The following SLITRK5 variants were observed in gnomAD, a reference collection of about 807,000 sequenced individuals.
SLITRK5 encodes SLIT and NTRK like family member 5, also known as SLIT and NTRK-like protein 5.
Under a neutral mutation model 56.2 loss-of-function variants are expected in SLITRK5, and 23 were observed. That is an observed-to-expected ratio of 0.41 (90% CI 0.29 to 0.58). The LOEUF is 0.58. Ranked by LOEUF, SLITRK5 falls within the 20% of genes least tolerant of loss-of-function variation. SLITRK5 has a pLI of 0.30. For missense variants in SLITRK5, 1,289 were observed against 1,226.6 expected (o/e 1.05, Z -0.76); for synonymous variants, 637 against 531.8 (o/e 1.20, Z -2.72).
Position 87,676,281 on chromosome 13 carries a change from C to G in SLITRK5, c.893C>G (p.Thr298Arg). The change falls in exon 2 of 2, where the codon ACG becomes AGG. Residue 298 changes from threonine to arginine, a missense_variant. This residue lies in a region of SLITRK5 where 985 missense variants were observed against 906.0 expected (regional missense o/e 1.09). Coordinates refer to ENST00000683689, the MANE Select transcript of SLITRK5 (RefSeq NM_001384609.1). ...LISDYEMRPQ[T>R]PLSTTGYLHT... ...TCTGACTACGAGATGAGGCCGCAGACGCCTTTGAGCACCACGGGGTATTTA... is the reference window on the plus strand; with the variant it reads ...TCTGACTACGAGATGAGGCCGCAGAGGCCTTTGAGCACCACGGGGTATTTA... 6.2e-7 allele frequency: 1 copy of G among 1,614,130 alleles called. No individual in the cohort carries two copies. Among genetic ancestry groups the G allele is most frequent in the East Asian group, 2.2e-5 (1 of 44,838 alleles).
At chr13:87,674,091 G>A (rs1199233877) in intron 1 of SLITRK5, among the ~76,000 whole-genome samples, 2 of 151,580 alleles carry the variant, frequency 1.3e-5, no homozygotes, top group African/African-American at 4.9e-5. Context: ...TTGATCAGAA[G>A]TAGGAAGTGG....
chr13:87,677,907 C>T lies in SLITRK5; in HGVS notation c.2519C>T (p.Pro840Leu), dbSNP rs1055162819. The change falls in exon 2 of 2, where the codon CCC becomes CTC. Residue 840 changes from proline to leucine, a missense_variant. Around this residue, in one of 3 missense-constraint regions of SLITRK5, gnomAD observed 985 missense variants for 906.0 expected, o/e 1.09. Coordinates refer to ENST00000683689, the MANE Select transcript of SLITRK5 (RefSeq NM_001384609.1). This position sits in a 1 kb window ranked among gnomAD's most constrained non-coding sequence, Gnocchi z 4.7. ...SPAYSVSTIE[P>L]REDLLSPVQD... ...GCCTACAGCGTCAGCACCATCGAGC[C>T]CCGGGAGGACCTGCTGTCGCCGGTG... 7 of 1,613,480 alleles carry T rather than the reference C, an allele frequency of 4.3e-6. No individual in the cohort carries two copies. The highest frequency in any genetic ancestry group is 5.1e-6 in the Non-Finnish European group (6 of 1,179,798).
rs1566320667 is a variant in SLITRK5 at position 87,676,820 on chromosome 13, T to C, written c.1432T>C (p.Tyr478His). The C allele has an allele frequency of 1.2e-6, 2 of 1,614,120 alleles. No individual in the cohort carries two copies. Among genetic ancestry groups the C allele is most frequent in the African/African-American group, 1.3e-5 (1 of 75,034 alleles). Residue 478 changes from tyrosine (Y) to histidine (H), a missense_variant, in exon 2 of 2, where the codon TAT (tyrosine) becomes CAT (histidine). Physicochemically the swap from Tyr to His is moderately conservative, Grantham distance 83 (BLOSUM62 2). Transcript: ENST00000683689. The part of the protein sequence containing the change: ...RIERLSPELF[Y>H]GLQSLQYLFL... The stretch of plus-strand genomic sequence containing the variant: ...CGAGAGGCTGAGCCCGGAGTTATTC[T>C]ATGGCCTGCAGAGCCTGCAGTATCT...
Position 87,677,455 on chromosome 13 carries a change from G to A in SLITRK5, c.2067G>A (p.Met689Ile), listed in dbSNP as rs1877331111. The change falls in exon 2 of 2, where the codon ATG (methionine) becomes ATA (isoleucine). Residue 689 changes from methionine to isoleucine, a missense_variant. Met to Ile is a conservative substitution (Grantham distance 10, BLOSUM62 1). Transcript: ENST00000683689. The surrounding 1 kb of genome is among the most constrained non-coding windows in gnomAD (Gnocchi z 4.7). Reference sequence around the variant, plus strand: ...CCGCCGGGCTCTTCGTGCTGGTCATGAAGCGCAGGAAGAAGAACCAGAGCG... The same window carrying A: ...CCGCCGGGCTCTTCGTGCTGGTCATAAAGCGCAGGAAGAAGAACCAGAGCG... ...FVAAGLFVLV[M>I]KRRKKNQSDH... is the part of the protein sequence containing the mutation. The A allele has an allele frequency of 3.7e-6, 6 of 1,612,638 alleles. No homozygotes were observed. The Admixed American group carries it at 1.0e-4, about 27-fold the overall frequency.
rs774202853 is a variant in SLITRK5 at position 87,677,327 on chromosome 13, G to A, written c.1939G>A (p.Gly647Arg). Reference protein sequence around the residue: ...VTPAVRLNSTGAPASLGAGGG... With the variant: ...VTPAVRLNSTRAPASLGAGGG... ...TCCTGCGGTCCGGTTGAATAGCACC[G>A]GGGCCCCCGCGAGCTTGGGCGCAGG... is the stretch of plus-strand genomic sequence containing the variant. The change falls in exon 2 of 2, where the codon GGG (glycine) becomes AGG (arginine). Residue 647 changes from glycine to arginine, a missense_variant. Gly to Arg is a moderately radical substitution (Grantham distance 125). Transcript: ENST00000683689. This position sits in a 1 kb window ranked among gnomAD's most constrained non-coding sequence, Gnocchi z 4.7. 3 of 1,614,040 alleles carry A rather than the reference G, an allele frequency of 1.9e-6. No homozygotes were observed. In the South Asian group the frequency reaches 3.3e-5, roughly 18 times the overall value.
rs1342115235 is a variant in SLITRK5 at position 87,675,287 on chromosome 13, G to C, written c.-8-94G>C. On this transcript the variant is annotated intron_variant, in intron 1 of 1. Transcript: ENST00000683689. ...TTGTATCTCTTCCTTTTGGGTTTTAGAGTAATAATGTTAAGAAAGAGAGAG... is the reference window on the plus strand; with the variant it reads ...TTGTATCTCTTCCTTTTGGGTTTTACAGTAATAATGTTAAGAAAGAGAGAG... 3.7e-5 allele frequency: 31 copies of C among 835,634 alleles called. No homozygotes were observed. In the South Asian group the frequency reaches 4.9e-4, roughly 13 times the overall value. The allele number at this position is 835,634 out of a possible 1,614,324, so 51.8% of individuals were successfully genotyped here. A position where few individuals can be genotyped will look rare whatever the true frequency, so the allele number is the denominator to read the frequency against.
rs776874254 is a variant in SLITRK5, at chr13:87,675,595, G to A, written c.207G>A (p.Gly69=). The A allele has an allele frequency of 1.2e-6, 2 of 1,614,158 alleles. No homozygotes were observed. Among genetic ancestry groups the A allele is most frequent in the South Asian group, 2.2e-5 (2 of 91,082 alleles). Residue 69 remains glycine (G), a synonymous_variant, in exon 2 of 2, where the codon GGG becomes GGA. Transcript: ENST00000683689. ...TAACTGTGAGCTGTGAAAACCGGGG[G>A]ATCATCAGTCTCTCTGAAATTAGCC... The part of the protein sequence containing the change: ...GILTVSCENR[G]IISLSEISPP...
Position 87,676,887 on chromosome 13 carries a change from C to T in SLITRK5, c.1499C>T (p.Thr500Ile). 6.2e-7 allele frequency: 1 copy of T among 1,614,144 alleles called. No individual in the cohort carries two copies. Among genetic ancestry groups the T allele is most frequent in the Non-Finnish European group, 8.5e-7 (1 of 1,180,024 alleles). Residue 500 changes from threonine to isoleucine, a missense_variant, in exon 2 of 2, where the codon ACT becomes ATT. By Grantham distance (89) the Thr-to-Ile change is moderately conservative. Transcript: ENST00000683689. ...YNLIREIQSG[T>I]FDPVPNLQLL... ...CTCATCCGCGAGATTCAGTCTGGAACTTTTGACCCGGTCCCAAACCTCCAG... is the reference window on the plus strand; with the variant it reads ...CTCATCCGCGAGATTCAGTCTGGAATTTTTGACCCGGTCCCAAACCTCCAG...
At chr13:87,674,701 A>G (rs1877195311) in intron 1 of SLITRK5, among the ~76,000 whole-genome samples, 1 of 152,180 alleles carries the variant, frequency 6.6e-6, no homozygotes, top group Admixed American at 6.5e-5. Flanking sequence ...GAAGTCCACC[A>G]TCAAAGCAAA....
chr13:87,675,801 A>G lies in SLITRK5; in HGVS notation c.413A>G (p.Asn138Ser). The G allele has an allele frequency of 5.6e-6, 9 of 1,614,180 alleles. No homozygotes were observed. The highest frequency in any genetic ancestry group is 1.3e-5 in the African/African-American group (1 of 75,032). Reference sequence around the variant, plus strand: ...GGTTTGAGGAGATTGCATCTAAACAATAATAAACTGGAACTTCTGCGAGAT... The same window carrying G: ...GGTTTGAGGAGATTGCATCTAAACAGTAATAAACTGGAACTTCTGCGAGAT... ...LRGLRRLHLN[N>S]NKLELLRDDT... The change falls in exon 2 of 2, where the codon AAT becomes AGT. Residue 138 changes from asparagine to serine, a missense_variant. Asn to Ser is a conservative substitution (Grantham distance 46). This residue lies in a region of SLITRK5 where 291 missense variants were observed against 286.7 expected (regional missense o/e 1.02). Coordinates refer to ENST00000683689, the MANE Select transcript of SLITRK5 (RefSeq NM_001384609.1).
At chr13:87,675,058 T>A (rs969098395) in intron 1 of SLITRK5, among the ~76,000 whole-genome samples, 2 of 151,860 alleles carry the variant, frequency 1.3e-5, no homozygotes, top group African/African-American at 4.8e-5. Flanking sequence ...AGCCATTTTA[T>A]GTATATTTAT....
In SLITRK5 at chr13:87,677,591, G is replaced by C; in HGVS notation, c.2203G>C (p.Gly735Arg). 1 of 1,609,692 alleles carries C rather than the reference G, an allele frequency of 6.2e-7. No homozygotes were observed. The highest frequency in any genetic ancestry group is 1.1e-5 in the South Asian group (1 of 90,914). The change falls in exon 2 of 2, where the codon GGG (glycine) becomes CGG (arginine). Residue 735 changes from glycine (G) to arginine (R), a missense_variant. Transcript: ENST00000683689. This position sits in a 1 kb window ranked among gnomAD's most constrained non-coding sequence, Gnocchi z 4.7. ...CCCACACGCGCACGTGCATCACCGC[G>C]GGCCCGCGCTGCCCAAGGTGAAGAC... Reference protein sequence around the residue: ...GHPHAHVHHRGPALPKVKTPA... With the variant: ...GHPHAHVHHRRPALPKVKTPA...
rs147101174 is a variant in SLITRK5, at chr13:87,677,411, A to T, written c.2023A>T (p.Ile675Phe). Residue 675 changes from isoleucine to phenylalanine, a missense_variant, in exon 2 of 2, where the codon ATC (isoleucine) becomes TTC (phenylalanine). Coordinates refer to ENST00000683689, the MANE Select transcript of SLITRK5 (RefSeq NM_001384609.1). This position sits in a 1 kb window ranked among gnomAD's most constrained non-coding sequence, Gnocchi z 4.7. ...AATTCTCAGCCTCCTGCTGGTTTTC[A>T]TCATGTCCGTCTTCGTGGCCGCCGG... is the stretch of plus-strand genomic sequence containing the variant. The part of the protein sequence containing the change: ...VLILSLLLVF[I>F]MSVFVAAGLF... 8.1e-6 allele frequency: 13 copies of T among 1,613,500 alleles called. No individual in the cohort carries two copies. Among genetic ancestry groups the T allele is most frequent in the Non-Finnish European group, 1.0e-5 (12 of 1,179,960 alleles).
chr13:87,679,099 T>G lies in SLITRK5; in HGVS notation c.*834T>G, dbSNP rs951399437. 6.0e-6 allele frequency: 1 copy of G among 166,788 alleles called. No individual in the cohort carries two copies. The highest frequency in any genetic ancestry group is 2.4e-5 in the African/African-American group (1 of 41,436). 10.3% of individuals were successfully genotyped at this position (166,788 alleles called of 1,614,324 possible). On this transcript the variant is annotated 3_prime_UTR_variant, in exon 2 of 2. Transcript: ENST00000683689. ...AGGATCTGCATTTCTAAAACTGACG[T>G]GGTATCAGGAAGGCATTTTCAATCA...
intron 1 of SLITRK5, among the ~76,000 whole-genome samples, chr13:87,675,067 ATGGAT>A (rs919912365): frequency 1.3e-5 from 2 of 150,406 alleles, no homozygotes; most frequent in African/African-American, 4.9e-5. Context: ...ATGTATATTT[ATGGAT>A]TGGTTTTGAA....
At position 87,679,350 on chromosome 13, in the gene SLITRK5, T is replaced by C. The variant is rs528370926; in HGVS notation, c.*1085T>C. On this transcript the variant is annotated 3_prime_UTR_variant, in exon 2 of 2. Coordinates refer to ENST00000683689, the MANE Select transcript of SLITRK5 (RefSeq NM_001384609.1). Reference sequence around the variant, plus strand: ...AATGAACCAAAATGACATGTTCATTTGACTACTATTGTAGCCGATTTTCGA... The same window carrying C: ...AATGAACCAAAATGACATGTTCATTCGACTACTATTGTAGCCGATTTTCGA... 73 of 167,194 alleles carry C rather than the reference T, an allele frequency of 4.4e-4. No individual in the cohort carries two copies. Among genetic ancestry groups the C allele is most frequent in the African/African-American group, 1.7e-3 (71 of 41,572 alleles). 10.4% of individuals were successfully genotyped at this position (167,194 alleles called of 1,614,324 possible). A position where few individuals can be genotyped will look rare whatever the true frequency, so the allele number is the denominator to read the frequency against.
At chr13:87,674,375 A>G (rs1476023907) in intron 1 of SLITRK5, 2 of 985,082 alleles carry the variant, frequency 2.0e-6, no homozygotes, top group African/African-American at 1.7e-5. Flanking sequence ...AAACCTTGCT[A>G]TTACCGTTGC....
At position 87,677,144 on chromosome 13, in the gene SLITRK5, C is replaced by T; in HGVS notation, c.1756C>T (p.Leu586=). The change falls in exon 2 of 2, where the codon CTA becomes TTA. Residue 586 remains leucine, a synonymous_variant. Transcript: ENST00000683689. This position sits in a 1 kb window ranked among gnomAD's most constrained non-coding sequence, Gnocchi z 4.7. ...GGTGGAGCAGCTCAAAGTGGGCGTCCTAGTGGACGAGGTGATCTGTAAGGC... is the reference window on the plus strand; with the variant it reads ...GGTGGAGCAGCTCAAAGTGGGCGTCTTAGTGGACGAGGTGATCTGTAAGGC... ...LWVEQLKVGV[L]VDEVICKAPK... 6.2e-7 allele frequency: 1 copy of T among 1,614,168 alleles called. No individual in the cohort carries two copies. Among genetic ancestry groups the T allele is most frequent in the African/African-American group, 1.3e-5 (1 of 75,050 alleles).
In SLITRK5 at chr13:87,677,820, C is replaced by A. The variant is rs1877361410; in HGVS notation, c.2432C>A (p.Pro811Gln). The change falls in exon 2 of 2, where the codon CCG (proline) becomes CAG (glutamine). Residue 811 changes from proline (P) to glutamine (Q), a missense_variant. Transcript: ENST00000683689. This position sits in a 1 kb window ranked among gnomAD's most constrained non-coding sequence, Gnocchi z 4.7. ...CAGCAGCCACAGCAGCAGCCCCCGC[C>A]GCAGCTGCAGCTGCAGCCCGGGGAG... The part of the protein sequence containing the change: ...PPQQPQQQPP[P>Q]QLQLQPGEEE... 1.2e-6 allele frequency: 2 copies of A among 1,610,974 alleles called. No individual in the cohort carries two copies. The highest frequency in any genetic ancestry group is 1.7e-6 in the Non-Finnish European group (2 of 1,178,134).
Sources: gnomAD v4.1 joint callset for allele counts (sites outside exome capture counted in the v4.1 genomes callset) on GRCh38, gnomAD v4.1.1 for gene constraint, gnomAD v4.1.1 regional missense constraint, Gnocchi (gnomAD v3.1) non-coding constraint, MANE v1.5 for transcripts, NCBI Gene and HGNC (gene_info 2026-07-23, HGNC 2026-07-21) for gene names.